The following OR6N1 variants were observed in gnomAD, a reference collection of about 807,000 sequenced individuals.
The protein encoded by OR6N1 is olfactory receptor family 6 subfamily N member 1, also known as olfactory receptor 6N1.
For missense variants in OR6N1, 394 were observed against 371.7 expected (o/e 1.06, Z -0.49); for synonymous variants, 170 against 150.7 (o/e 1.13, Z -0.94).
chr1:158,777,252 C>T, the OR6N1 span: 2 of 1,613,898 alleles, frequency 1.2e-6, no homozygotes, highest in African/African-American at 1.3e-5. Flanking sequence ...AGTGGAGGGG[C>T]CGACAAATGG....
intron 1 of OR6N1, among the ~76,000 whole-genome samples, chr1:158,767,250 T>C (rs1176766182): frequency 2.6e-5 from 4 of 152,196 alleles, no homozygotes; most frequent in Non-Finnish European, 4.4e-5. Flanking sequence ...GCTAGCATCT[T>C]TCAGGGGCAT....
At chr1:158,818,046 T>C in the OR6N1 span, among the ~76,000 whole-genome samples, 7 of 152,234 alleles carry the variant, frequency 4.6e-5, no homozygotes, top group African/African-American at 1.2e-4. Flanking sequence ...TTATCTTTAA[T>C]TGGGTCTTCC....
At chr1:158,816,194 T>A in the OR6N1 span, among the ~76,000 whole-genome samples, 1 of 151,928 alleles carries the variant, frequency 6.6e-6, no homozygotes, top group Non-Finnish European at 1.5e-5. Context: ...CCATAATGAT[T>A]GAAACCAAAG....
the OR6N1 span, among the ~76,000 whole-genome samples, chr1:158,788,479 T>A: frequency 6.6e-6 from 1 of 152,154 alleles, no homozygotes; most frequent in Non-Finnish European, 1.5e-5. Flanking sequence ...TATTTTTGCT[T>A]ATTTTATATA....
the OR6N1 span, among the ~76,000 whole-genome samples, chr1:158,810,410 G>A: frequency 6.9e-3 from 1,043 of 152,170 alleles, 8 homozygotes; most frequent in African/African-American, 0.023. Flanking sequence ...CTGGAAATGC[G>A]GGCCTCCCAG....
At chr1:158,779,105 T>G in the OR6N1 span, among the ~76,000 whole-genome samples, 12 of 151,536 alleles carry the variant, frequency 7.9e-5, no homozygotes, top group African/African-American at 2.9e-4. Context: ...AAATCAATTA[T>G]ATAAATACAG....
chr1:158,771,700 CA>C (rs958921783), intron 1 of OR6N1, among the ~76,000 whole-genome samples: 4 of 152,256 alleles, frequency 2.6e-5, no homozygotes, highest in African/African-American at 9.6e-5. Flanking sequence ...TAGAGATTAT[CA>C]CACTCAACGT....
the OR6N1 span, among the ~76,000 whole-genome samples, chr1:158,800,802 A>G: frequency 6.6e-6 from 1 of 152,368 alleles, no homozygotes; most frequent in East Asian, 1.9e-4. Context: ...AAGGTTGTCC[A>G]GAGAGTTTTT....
chr1:158,785,303 AT>A, the OR6N1 span, among the ~76,000 whole-genome samples: 5 of 152,008 alleles, frequency 3.3e-5, no homozygotes, highest in Non-Finnish European at 7.4e-5. Context: ...GTATTTTTAG[AT>A]TTTTATTCCG....
the OR6N1 span, among the ~76,000 whole-genome samples, chr1:158,804,560 T>C: frequency 1.3e-5 from 2 of 152,230 alleles, no homozygotes; most frequent in African/African-American, 4.8e-5. Flanking sequence ...ATTTTCATAG[T>C]ATCATTGCTA....
the OR6N1 span, among the ~76,000 whole-genome samples, chr1:158,813,645 C>G: frequency 6.8e-6 from 1 of 147,688 alleles, no homozygotes; most frequent in African/African-American, 2.5e-5. Context: ...ACACTCTTCT[C>G]TATATACCTT....
the OR6N1 span, among the ~76,000 whole-genome samples, chr1:158,794,409 C>T: frequency 3.6e-4 from 55 of 152,246 alleles, no homozygotes; most frequent in Admixed American, 7.8e-4. Context: ...ATGCACTCCC[C>T]CTTCCCCTAG....
chr1:158,765,994 G>A lies in OR6N1; in HGVS notation c.689C>T (p.Ser230Leu). Residue 230 changes from serine to leucine, a missense_variant, in exon 2 of 2, where the codon TCA becomes TTA. Physicochemically the swap from Ser to Leu is moderately radical, Grantham distance 145. Transcript: ENST00000641846. ...GATGGCCTTCCTCTTGCCGGCAGCT[G>A]AGGGAATTCTGAGCACTGTGCAGAT... ...QIICTVLRIP[S>L]AAGKRKAIST... 1 of 1,614,210 alleles carries A rather than the reference G, an allele frequency of 6.2e-7. No homozygotes were observed. The highest frequency in any genetic ancestry group is 8.5e-7 in the Non-Finnish European group (1 of 1,180,026).
At chr1:158,807,149 T>A in the OR6N1 span, among the ~76,000 whole-genome samples, 2 of 152,092 alleles carry the variant, frequency 1.3e-5, no homozygotes, top group South Asian at 2.1e-4. Context: ...TCAGCTGAAG[T>A]GGATTTAGGG....
the OR6N1 span, among the ~76,000 whole-genome samples, chr1:158,791,471 T>A: frequency 7.6e-6 from 1 of 132,252 alleles, no homozygotes; most frequent in Non-Finnish European, 1.5e-5. Flanking sequence ...TGATTTTGAT[T>A]TTTTTTTTTT....
the OR6N1 span, among the ~76,000 whole-genome samples, chr1:158,790,554 G>A: frequency 8.4e-4 from 128 of 151,870 alleles, no homozygotes; most frequent in African/African-American, 2.5e-3. Context: ...ACAGGTGCTC[G>A]CCACCACGCC....
chr1:158,803,040 T>C, the OR6N1 span, among the ~76,000 whole-genome samples: 1 of 152,174 alleles, frequency 6.6e-6, no homozygotes, highest in African/African-American at 2.4e-5. Flanking sequence ...TAGCCCCAAA[T>C]GTACTTTTAT....
the OR6N1 span, among the ~76,000 whole-genome samples, chr1:158,799,899 C>G: frequency 1.3e-5 from 2 of 152,010 alleles, no homozygotes; most frequent in African/African-American, 2.4e-5. Flanking sequence ...TAGAAGAAGT[C>G]TATGACTCAT....
At chr1:158,800,164 C>T in the OR6N1 span, among the ~76,000 whole-genome samples, 2 of 152,042 alleles carry the variant, frequency 1.3e-5, no homozygotes, top group African/African-American at 2.4e-5. Context: ...TCTTAAGCAC[C>T]GTTTAAATCA....
Sources: allele counts gnomAD v4.1 joint callset (sites outside exome capture counted in the v4.1 genomes callset), GRCh38; gene constraint gnomAD v4.1.1; transcripts MANE v1.5; gene names NCBI Gene and HGNC (gene_info 2026-07-23, HGNC 2026-07-21).